The following CNTN4 variants were observed in gnomAD, a reference collection of about 807,000 sequenced individuals.
The protein encoded by CNTN4 is contactin-4.
CNTN4 carries 77 observed loss-of-function variants against 122.5 expected under a neutral mutation model. That is an observed-to-expected ratio of 0.63 (90% CI 0.52 to 0.76). The LOEUF (loss-of-function observed/expected upper bound fraction) is 0.76, where lower values mean the gene tolerates loss of function less well. CNTN4 is among the 30% of genes least tolerant of loss of function. The pLI is 0.00. For missense variants in CNTN4, 1,256 were observed against 1,259.1 expected (o/e 1.00, Z 0.04); for synonymous variants, 512 against 447.0 (o/e 1.15, Z -1.83).
intron 4 of CNTN4, among the ~76,000 whole-genome samples, chr3:2,593,635 A>G (rs887900174): frequency 2.6e-4 from 39 of 152,252 alleles, no homozygotes; most frequent in African/African-American, 9.2e-4. Flanking sequence ...TGAAGATCTT[A>G]TAAGAATGTT....
intron 2 of CNTN4, among the ~76,000 whole-genome samples, chr3:2,208,199 A>G (rs1303612235): frequency 6.6e-6 from 1 of 152,134 alleles, no homozygotes; most frequent in Non-Finnish European, 1.5e-5. Flanking sequence ...AGAATTCACC[A>G]TTTTCTATGC....
intron 2 of CNTN4, among the ~76,000 whole-genome samples, chr3:2,265,468 T>C (rs1026417290): frequency 1.3e-5 from 2 of 152,248 alleles, no homozygotes; most frequent in African/African-American, 4.8e-5. Context: ...TATGACTTTG[T>C]AATATAATTT....
chr3:2,228,501 C>T (rs970144485), intron 2 of CNTN4, among the ~76,000 whole-genome samples: 4 of 152,002 alleles, frequency 2.6e-5, no homozygotes, highest in Non-Finnish European at 5.9e-5. Flanking sequence ...CCTTTGTGAA[C>T]AAGTTTGCAG....
At chr3:2,803,783 A>G (rs2092401348) in intron 6 of CNTN4, among the ~76,000 whole-genome samples, 1 of 151,744 alleles carries the variant, frequency 6.6e-6, no homozygotes, top group South Asian at 2.1e-4. Flanking sequence ...TTGGTCTCGA[A>G]CTCCTGACCT....
At position 2,973,302 on chromosome 3, in the gene CNTN4, C is replaced by T. The variant is rs1005504297; in HGVS notation, c.1359-15043C>T. On this transcript the variant is annotated intron_variant, in intron 13 of 24. Transcript: ENST00000418658. ...ATAATATCCCTGGGAAGAGAACACCCAGGTATTAACTTAAGCACATAGCAG... is the reference window on the plus strand; with the variant it reads ...ATAATATCCCTGGGAAGAGAACACCTAGGTATTAACTTAAGCACATAGCAG... 2.6e-5 allele frequency among the ~76,000 whole-genome samples: 4 copies of T among 151,932 alleles called. No homozygotes were observed. In the East Asian group the frequency reaches 7.7e-4, roughly 29 times the overall value.
intron 4 of CNTN4, among the ~76,000 whole-genome samples, chr3:2,631,105 G>T (rs1390029085): frequency 6.6e-6 from 1 of 152,128 alleles, no homozygotes; most frequent in African/African-American, 2.4e-5. Flanking sequence ...AAGAGCAATA[G>T]CCCTGATGCA....
intron 3 of CNTN4, among the ~76,000 whole-genome samples, chr3:2,432,976 T>G (rs1269130519): frequency 6.6e-6 from 1 of 151,034 alleles, no homozygotes; most frequent in Non-Finnish European, 1.5e-5. Context: ...AGCTCATTTG[T>G]TTTTTTGTTT....
intron 3 of CNTN4, among the ~76,000 whole-genome samples, chr3:2,466,560 G>T (rs1389777594): frequency 6.6e-6 from 1 of 152,166 alleles, no homozygotes; most frequent in African/African-American, 2.4e-5. Flanking sequence ...TTCAGCGTGT[G>T]ATTGTGAGTT....
chr3:2,513,383 T>C (rs1160946136), intron 3 of CNTN4, among the ~76,000 whole-genome samples: 1 of 152,130 alleles, frequency 6.6e-6, no homozygotes, highest in African/African-American at 2.4e-5. Flanking sequence ...AAGAGGGATT[T>C]ATGGATTTTT....
At chr3:2,233,889 G>A (rs181487577) in intron 2 of CNTN4, among the ~76,000 whole-genome samples, 4 of 152,226 alleles carry the variant, frequency 2.6e-5, no homozygotes, top group Admixed American at 2.0e-4. Flanking sequence ...TTTAAAATAC[G>A]AAGTGAAATA....
intron 2 of CNTN4, among the ~76,000 whole-genome samples, chr3:2,117,711 C>G (rs1365716625): frequency 6.6e-6 from 1 of 152,136 alleles, no homozygotes. Context: ...GGGTGTAGGA[C>G]AAATACATAT....
chr3:2,702,536 T>C (rs566195015), intron 4 of CNTN4, among the ~76,000 whole-genome samples: 37 of 152,378 alleles, frequency 2.4e-4, no homozygotes, highest in Admixed American at 1.6e-3. Context: ...CCCTCTGGCA[T>C]GCAGATAATT....
chr3:2,666,511 A>G (rs1165828769), intron 4 of CNTN4, among the ~76,000 whole-genome samples: 1 of 152,140 alleles, frequency 6.6e-6, no homozygotes, highest in Admixed American at 6.5e-5. Context: ...GACATTACTG[A>G]TTTATTTTAT....
chr3:2,210,358 T>C (rs2038559414), intron 2 of CNTN4, among the ~76,000 whole-genome samples: 1 of 152,188 alleles, frequency 6.6e-6, no homozygotes. Context: ...CCTGAGGAGC[T>C]GGAGGAGGTG....
At chr3:2,487,245 C>T (rs1385127458) in intron 3 of CNTN4, among the ~76,000 whole-genome samples, 1 of 152,112 alleles carries the variant, frequency 6.6e-6, no homozygotes, top group East Asian at 1.9e-4. Flanking sequence ...GACCTTGATT[C>T]TTTTCTCTGC....
intron 2 of CNTN4, among the ~76,000 whole-genome samples, chr3:2,193,629 G>T (rs922532975): frequency 6.6e-6 from 1 of 152,142 alleles, no homozygotes; most frequent in Non-Finnish European, 1.5e-5. Flanking sequence ...TAACATTTCT[G>T]TACAAATATA....
rs181460497 is a variant in CNTN4, at chr3:2,567,825, C to A, written c.-88-3591C>A. Reference sequence around the variant, plus strand: ...TTTAAGAATCAGTTCAAAATGGTAGCCCCTTTGAGGAGCTTTCTTGAAACT... The same window carrying A: ...TTTAAGAATCAGTTCAAAATGGTAGACCCTTTGAGGAGCTTTCTTGAAACT... On this transcript the variant is annotated intron_variant, in intron 3 of 24. Transcript: ENST00000418658. Among the ~76,000 whole-genome samples the A allele has an allele frequency of 1.4e-3, 217 of 152,214 alleles. 1 individual carries two copies. Among genetic ancestry groups the A allele is most frequent in the African/African-American group, 5.1e-3 (212 of 41,528 alleles).
chr3:2,896,428 G>A (rs2094115793), intron 10 of CNTN4, among the ~76,000 whole-genome samples: 1 of 152,114 alleles, frequency 6.6e-6, no homozygotes, highest in Non-Finnish European at 1.5e-5. Context: ...GTGGATGAGA[G>A]TCTGAAGCCA....
chr3:2,565,275 A>G (rs77519171), intron 3 of CNTN4, among the ~76,000 whole-genome samples: 2,679 of 152,298 alleles, frequency 0.018, 85 homozygotes, highest in African/African-American at 0.061. Context: ...CTTGGGACAA[A>G]TAATCTAATG....
Sources: allele counts gnomAD v4.1 joint callset (sites outside exome capture counted in the v4.1 genomes callset), GRCh38; gene constraint gnomAD v4.1.1; transcripts MANE v1.5; gene names NCBI Gene and HGNC (gene_info 2026-07-23, HGNC 2026-07-21).